TRPV2: variants seen among roughly 807,000 people sequenced by gnomAD.
TRPV2 encodes OTRPC2.
Under a neutral mutation model 91.0 loss-of-function variants are expected in TRPV2, and 58 were observed. The ratio of observed to expected loss-of-function variants is 0.64; its 90% CI spans 0.52 to 0.79. TRPV2 has a LOEUF of 0.79. Among genes scored for constraint, TRPV2 ranks in the 30% least tolerant of loss-of-function variants. The probability of loss-of-function intolerance (pLI) is 0.00; values close to 1 mark genes in which losing one functional copy is unlikely to be tolerated. For missense variants in TRPV2, 807 were observed against 969.6 expected, an observed-to-expected ratio of 0.83 and a Z score of 2.23; for synonymous variants, 417 against 414.8, an observed-to-expected ratio of 1.01 and a Z score of -0.06.
Position 16,426,761 on chromosome 17 carries a change from C to T in TRPV2, c.1135C>T (p.Leu379=), listed in dbSNP as rs1273751357. ...GGTCGTTTTGGAGCCCCTGAACAAA[C>T]TGCTGCAGGCGAAATGGGATCTGCT... ...RMVVLEPLNK[L]LQAKWDLLIP... The change falls in exon 7 of 15, where the codon CTG becomes TTG. Residue 379 remains leucine, a synonymous_variant. Coordinates refer to ENST00000338560, the MANE Select transcript of TRPV2 (RefSeq NM_016113.5). This position sits in a 1 kb window ranked among gnomAD's most constrained non-coding sequence, Gnocchi z 6.0. 5.0e-6 allele frequency: 8 copies of T among 1,614,092 alleles called. No individual in the cohort carries two copies. The highest frequency in any genetic ancestry group is 6.8e-6 in the Non-Finnish European group (8 of 1,179,996).
In TRPV2 at chr17:16,417,643, G is replaced by A. The variant is rs2093337247; in HGVS notation, c.-26G>A. On this transcript the variant is annotated 5_prime_UTR_variant, in exon 2 of 15. Transcript: ENST00000338560. The stretch of plus-strand genomic sequence containing the variant: ...CTCCATCTGCACAGAGGTCCTGGCT[G>A]GACCGAGCAGCCTCCTCCTCCTAGG... 3 of 1,612,578 alleles carry A rather than the reference G, an allele frequency of 1.9e-6. No individual in the cohort carries two copies. In the East Asian group the frequency reaches 6.7e-5, roughly 36 times the overall value.
At chr17:16,429,122 C>T in intron 10 of TRPV2, 140 bp downstream of exon 10, 3 of 952,092 alleles carry the variant, frequency 3.2e-6, no homozygotes, top group South Asian at 1.6e-5. Flanking sequence ...TGGATGGAAG[C>T]TTAAGTACAG....
chr17:16,422,793 C>A lies in TRPV2; in HGVS notation c.529C>A (p.Gln177Lys). Residue 177 changes from glutamine to lysine, a missense_variant, in exon 4 of 15, where the codon CAG (glutamine) becomes AAG (lysine). Coordinates refer to ENST00000338560, the MANE Select transcript of TRPV2 (RefSeq NM_016113.5). Reference sequence around the variant, plus strand: ...CATCGCCATTGAGAAGAGGAGTCTGCAGTGTGTGAAGCTCCTGGTGGAGAA... The same window carrying A: ...CATCGCCATTGAGAAGAGGAGTCTGAAGTGTGTGAAGCTCCTGGTGGAGAA... ...LHIAIEKRSLQCVKLLVENGA... is the reference protein window; with the variant it reads ...LHIAIEKRSLKCVKLLVENGA... 1 of 1,573,446 alleles carries A rather than the reference C, an allele frequency of 6.4e-7. No homozygotes were observed. The highest frequency in any genetic ancestry group is 8.6e-7 in the Non-Finnish European group (1 of 1,157,614).
At chr17:16,422,564 ACCACTGTGCC>A in intron 3 of TRPV2, 25 bp from the exon 4 acceptor site, 1 of 1,595,308 alleles carries the variant, frequency 6.3e-7, no homozygotes, top group East Asian at 2.2e-5. Flanking sequence ...AGGTCTCAGC[ACCACTGTGCC>A]CCTTCCCCTC....
chr17:16,419,248 G>T (rs772958398), intron 2 of TRPV2: 8 of 460,664 alleles, frequency 1.7e-5, no homozygotes, highest in African/African-American at 4.1e-5. Flanking sequence ...AGGAGGGAAT[G>T]ACTCATGCCC....
At chr17:16,421,482 A>C (rs973569573) in intron 3 of TRPV2, among the ~76,000 whole-genome samples, 1 of 148,484 alleles carries the variant, frequency 6.7e-6, no homozygotes, top group African/African-American at 2.5e-5. Context: ...CCTACCAAAA[A>C]TGCTGGGATT....
At chr17:16,420,987 C>T (rs908072554) in intron 3 of TRPV2, among the ~76,000 whole-genome samples, 7 of 152,156 alleles carry the variant, frequency 4.6e-5, no homozygotes, top group Non-Finnish European at 1.0e-4. Context: ...TAATTTGTAA[C>T]GTGCTTTTCC....
Position 16,428,365 on chromosome 17 carries a change from G to A in TRPV2, c.1399G>A (p.Asp467Asn). 1 of 1,614,178 alleles carries A rather than the reference G, an allele frequency of 6.2e-7. No individual in the cohort carries two copies. Among genetic ancestry groups the A allele is most frequent in the Non-Finnish European group, 8.5e-7 (1 of 1,180,036 alleles). The change falls in exon 9 of 15, where the codon GAC becomes AAC. Residue 467 changes from aspartate to asparagine, a missense_variant. Asp to Asn is a conservative substitution (Grantham distance 23). Coordinates refer to ENST00000338560, the MANE Select transcript of TRPV2 (RefSeq NM_016113.5). ...CGTGTTCATCTGGATCTCGTTCATA[G>A]ACAGCTACTTTGAAATCCTCTTGTA... ...RHVFIWISFI[D>N]SYFEILFLFQ...
At chr17:16,420,070 C>T in intron 2 of TRPV2, 45 bp from the exon 3 acceptor site, 1 of 1,593,922 alleles carries the variant, frequency 6.3e-7, no homozygotes, top group Non-Finnish European at 8.6e-7. Flanking sequence ...TTGGGGGGGC[C>T]TGTGGTTCTT....
chr17:16,417,184 C>A (rs1272625307), intron 1 of TRPV2, among the ~76,000 whole-genome samples: 6 of 152,086 alleles, frequency 3.9e-5, no homozygotes, highest in Non-Finnish European at 7.3e-5. Flanking sequence ...GGCTCCCACA[C>A]AGTGGGTGGA....
In TRPV2 at chr17:16,423,856, G is replaced by A. The variant is rs1006805438; in HGVS notation, c.924+89G>A. The A allele has an allele frequency of 3.0e-6, 4 of 1,331,790 alleles. No individual in the cohort carries two copies. The East Asian group carries it at 7.3e-5, about 24-fold the overall frequency. The allele number at this position is 1,331,790 out of a possible 1,614,324, so 82.5% of individuals were successfully genotyped here. A position where few individuals can be genotyped will look rare whatever the true frequency, so the allele number is the denominator to read the frequency against. On this transcript the variant is annotated intron_variant, in intron 5 of 14. Transcript: ENST00000338560. ...CTGCAGAAAGAACCCAGGGGGTGGT[G>A]AAGAGCAGTGGCTTCTCTGCTTTTC... is the stretch of plus-strand genomic sequence containing the variant.
chr17:16,431,286 T>TATATATAC lies in TRPV2; in HGVS notation c.1588-497_1588-496insTATATACA, dbSNP rs1491151601. ...ATATATATATATATATATATATATATACATATTTTTTTTTTTTTTTTTTTT... is the reference window on the plus strand; with the variant it reads ...ATATATATATATATATATATATATATATATATACACATATTTTTTTTTTTTTTTTTTTT... On this transcript the variant is annotated intron_variant, in intron 10 of 14. Coordinates refer to ENST00000338560, the MANE Select transcript of TRPV2 (RefSeq NM_016113.5). 7.8e-4 allele frequency among the ~76,000 whole-genome samples: 38 copies of TATATATAC among 48,700 alleles called. 2 individuals are homozygous for TATATATAC. The highest frequency in any genetic ancestry group is 2.7e-3 in the African/African-American group (36 of 13,554). The allele number at this position is 48,700 out of a possible 152,430, so 31.9% of individuals were successfully genotyped here.
At position 16,428,710 on chromosome 17, in the gene TRPV2, T is replaced by A. The variant is rs767193465; in HGVS notation, c.1422-107T>A. The A allele has an allele frequency of 2.8e-5, 37 of 1,318,014 alleles. No homozygotes were observed. The Middle Eastern group carries it at 1.1e-3, about 38-fold the overall frequency. The allele number at this position is 1,318,014 out of a possible 1,614,324, so 81.6% of individuals were successfully genotyped here. On this transcript the variant is annotated intron_variant, in intron 9 of 14. Transcript: ENST00000338560. Reference sequence around the variant, plus strand: ...GGAGGGAACTGAGGCCCACAGAGGTTAAATGTCTTGCCTAAGATGGAGGTC... The same window carrying A: ...GGAGGGAACTGAGGCCCACAGAGGTAAAATGTCTTGCCTAAGATGGAGGTC...
rs374016356 is a variant in TRPV2 at position 16,426,296 on chromosome 17, G to C, written c.1095+27G>C. 3 of 1,611,728 alleles carry C rather than the reference G, an allele frequency of 1.9e-6. No individual in the cohort carries two copies. The highest frequency in any genetic ancestry group is 3.4e-4 in the Middle Eastern group (2 of 5,900). ...TGAGCCCACAGGAGCATGGGTGCAC[G>C]CAGAGGACCCAGCAGAGTTTCCAGC... is the stretch of plus-strand genomic sequence containing the variant. On this transcript the variant is annotated intron_variant, in intron 6 of 14. Coordinates refer to ENST00000338560, the MANE Select transcript of TRPV2 (RefSeq NM_016113.5). This position sits in a 1 kb window ranked among gnomAD's most constrained non-coding sequence, Gnocchi z 6.0.
intron 10 of TRPV2, among the ~76,000 whole-genome samples, chr17:16,431,276 T>C (rs1482665782): frequency 9.1e-5 from 7 of 76,808 alleles, no homozygotes; most frequent in South Asian, 4.2e-4. Context: ...TATATATATA[T>C]ATATATATAT....
Position 16,422,838 on chromosome 17 carries a change from C to G in TRPV2, c.574C>G (p.Arg192Gly), listed in dbSNP as rs146816318. The change falls in exon 4 of 15, where the codon CGG (arginine) becomes GGG (glycine). Residue 192 changes from arginine to glycine, a missense_variant. Physicochemically the swap from Arg to Gly is moderately radical, Grantham distance 125. Coordinates refer to ENST00000338560, the MANE Select transcript of TRPV2 (RefSeq NM_016113.5). ...GGAGAATGGGGCCAATGTGCATGCC[C>G]GGGCCTGCGGCCGCTTCTTCCAGAA... ...LVENGANVHA[R>G]ACGRFFQKGQ... The G allele has an allele frequency of 3.2e-6, 5 of 1,572,712 alleles. No individual in the cohort carries two copies. Among genetic ancestry groups the G allele is most frequent in the Non-Finnish European group, 4.3e-6 (5 of 1,157,160 alleles).
intron 2 of TRPV2, chr17:16,419,323 G>A (rs1286503632): frequency 8.5e-6 from 4 of 470,858 alleles, no homozygotes; most frequent in East Asian, 6.9e-5. Flanking sequence ...GATCCCTTCC[G>A]GGGTCTGTGG....
chr17:16,424,671 G>T (rs2093374685), intron 5 of TRPV2, among the ~76,000 whole-genome samples: 3 of 151,890 alleles, frequency 2.0e-5, no homozygotes, highest in Admixed American at 1.3e-4. Flanking sequence ...TGCCTATTTT[G>T]CTATTCTGTT....
chr17:16,419,523 T>G (rs2093346638), intron 2 of TRPV2: 1 of 419,020 alleles, frequency 2.4e-6, no homozygotes, highest in Non-Finnish European at 4.9e-6. Flanking sequence ...TGGCGCTGTG[T>G]GACTTTGGCA....
Sources: gnomAD v4.1 joint callset for allele counts (sites outside exome capture counted in the v4.1 genomes callset) on GRCh38, gnomAD v4.1.1 for gene constraint, Gnocchi (gnomAD v3.1) non-coding constraint, MANE v1.5 for transcripts, NCBI Gene and HGNC (gene_info 2026-07-23, HGNC 2026-07-21) for gene names.